The following FGFR2 variants were observed in gnomAD, a reference collection of about 807,000 sequenced individuals.
FGFR2 encodes BEK fibroblast growth factor receptor.
Under a neutral mutation model 95.9 loss-of-function variants are expected in FGFR2, and 19 were observed. The ratio of observed to expected loss-of-function variants is 0.20; its 90% CI spans 0.14 to 0.29. The LOEUF is 0.29. Among genes scored for constraint, FGFR2 ranks in the 10% least tolerant of loss-of-function variants. The probability of loss-of-function intolerance (pLI) is 1.00; values close to 1 mark genes in which losing one functional copy is unlikely to be tolerated. For missense variants in FGFR2, 707 were observed against 1,056.9 expected (o/e 0.67, Z 4.59); for synonymous variants, 392 against 393.3 (o/e 1.00, Z 0.04).
At chr10:121,503,258 C>A (rs1038697744) in intron 10 of FGFR2, among the ~76,000 whole-genome samples, 34 of 152,356 alleles carry the variant, frequency 2.2e-4, no homozygotes, top group Admixed American at 3.3e-4. Context: ...ACCTCTGTAT[C>A]ATCCAACAAG....
chr10:121,573,166 T>C (rs1300898305), intron 2 of FGFR2, among the ~76,000 whole-genome samples: 5 of 152,156 alleles, frequency 3.3e-5, no homozygotes, highest in African/African-American at 1.2e-4. Flanking sequence ...TCCCGTGTGG[T>C]TTTTGAAATG....
At chr10:121,583,131 CT>C (rs768418831) in intron 2 of FGFR2, among the ~76,000 whole-genome samples, 2 of 151,880 alleles carry the variant, frequency 1.3e-5, no homozygotes, top group Non-Finnish European at 2.9e-5. Flanking sequence ...TTTTGGCTTT[CT>C]TAGTCTCTCC....
At chr10:121,510,919 A>C (rs538631911) in intron 9 of FGFR2, among the ~76,000 whole-genome samples, 1 of 152,066 alleles carries the variant, frequency 6.6e-6, no homozygotes, top group South Asian at 2.1e-4. Context: ...CTCCTGCCTT[A>C]GTTTCCCAAG....
At position 121,515,253 on chromosome 10, in the gene FGFR2, C is replaced by G. The variant is rs1291834042; in HGVS notation, c.1151G>C (p.Gly384Ala). 19 of 1,613,926 alleles carry G rather than the reference C, an allele frequency of 1.2e-5. No individual in the cohort carries two copies. The highest frequency in any genetic ancestry group is 4.2e-6 in the Non-Finnish European group (5 of 1,180,022). ...CACCATACAGGCGATTAAGAAGACC[C>G]CTATGCAGTAAATGGCTATCTCCAG... is the stretch of plus-strand genomic sequence containing the variant. Reference protein sequence around the residue: ...DYLEIAIYCIGVFLIACMVVT... With the variant: ...DYLEIAIYCIAVFLIACMVVT... Residue 384 changes from glycine (G) to alanine (A), a missense_variant, in exon 9 of 18, where the codon GGG becomes GCG. By Grantham distance (60) the Gly-to-Ala change is moderately conservative. Transcript: ENST00000358487.
intron 4 of FGFR2, among the ~76,000 whole-genome samples, chr10:121,560,525 G>A (rs1425232413): frequency 7.0e-6 from 1 of 142,734 alleles, no homozygotes; most frequent in Non-Finnish European, 1.5e-5. Flanking sequence ...TGAGGCAGGA[G>A]AATGGCGTGA....
chr10:121,538,163 G>A, intron 6 of FGFR2: 1 of 594,068 alleles, frequency 1.7e-6, no homozygotes, highest in African/African-American at 1.9e-5. Flanking sequence ...CCAGCCACAG[G>A]CTCAGTCCTC....
Position 121,485,647 on chromosome 10 carries a change from C to T in FGFR2, c.2058-115G>A. The T allele has an allele frequency of 7.2e-7, 1 of 1,389,792 alleles. No individual in the cohort carries two copies. Among genetic ancestry groups the T allele is most frequent in the Admixed American group, 1.8e-5 (1 of 54,502 alleles). 86.1% of individuals were successfully genotyped at this position (1,389,792 alleles called of 1,614,324 possible). ...CTTCTGAAGTTCAAAGACAAATGGG[C>T]CCTCCTGCAGTTCCTCCTATGTGCT... On this transcript the variant is annotated intron_variant, in intron 15 of 17. Transcript: ENST00000358487. The surrounding 1 kb of genome is among the most constrained non-coding windows in gnomAD (Gnocchi z 4.2).
chr10:121,582,880 C>T (rs1322499705), intron 2 of FGFR2, among the ~76,000 whole-genome samples: 2 of 152,252 alleles, frequency 1.3e-5, no homozygotes, highest in African/African-American at 2.4e-5. Flanking sequence ...TGTTCTGCAA[C>T]TGCTGTACAG....
chr10:121,572,158 GAAAAAAA>G (rs71022844), intron 2 of FGFR2, among the ~76,000 whole-genome samples: 3 of 105,848 alleles, frequency 2.8e-5, no homozygotes, highest in African/African-American at 1.1e-4. Context: ...CACAAAAAAT[GAAAAAAA>G]AAAAAAAAAA....
At chr10:121,586,494 A>G (rs1347488019) in intron 2 of FGFR2, among the ~76,000 whole-genome samples, 1 of 152,248 alleles carries the variant, frequency 6.6e-6, no homozygotes, top group Non-Finnish European at 1.5e-5. Flanking sequence ...TACTGTCAAA[A>G]AGAATCAGAA....
At chr10:121,528,367 G>A (rs144203135) in intron 6 of FGFR2, among the ~76,000 whole-genome samples, 5 of 152,124 alleles carry the variant, frequency 3.3e-5, no homozygotes, top group African/African-American at 1.2e-4. Context: ...ATGATTAAAC[G>A]AATTGTACTA....
At chr10:121,536,583 A>G (rs187306167) in intron 6 of FGFR2, among the ~76,000 whole-genome samples, 1 of 152,338 alleles carries the variant, frequency 6.6e-6, no homozygotes, top group Admixed American at 6.5e-5. Context: ...TCCATTATTC[A>G]GCAGCCCAAT....
At chr10:121,544,443 T>TAAA (rs753310814) in intron 5 of FGFR2, among the ~76,000 whole-genome samples, 3,230 of 106,146 alleles carry the variant, frequency 0.03, 54 homozygotes, top group Middle Eastern at 0.06. Flanking sequence ...AACTCCGTCT[T>TAAA]AAAAAAAAAA....
chr10:121,526,025 C>T (rs895071082), intron 6 of FGFR2: 6 of 395,030 alleles, frequency 1.5e-5, no homozygotes, highest in Non-Finnish European at 2.2e-5. Flanking sequence ...CACCAAGAGA[C>T]TCGAATCACA....
intron 2 of FGFR2, among the ~76,000 whole-genome samples, chr10:121,585,003 TC>T (rs1387813658): frequency 2.7e-5 from 4 of 150,018 alleles, no homozygotes; most frequent in Non-Finnish European, 4.4e-5. Flanking sequence ...ATAACCCCTC[TC>T]CAATGTTCTT....
rs41301043 is a variant in FGFR2, at chr10:121,598,269, G to T, written c.-458C>A. 2,937 of 388,696 alleles carry T rather than the reference G, an allele frequency of 7.6e-3. 72 individuals are homozygous for T. Among genetic ancestry groups the T allele is most frequent in the African/African-American group, 0.053 (2,559 of 48,274 alleles). The allele number at this position is 388,696 out of a possible 1,614,324, so 24.1% of individuals were successfully genotyped here. A position where few individuals can be genotyped will look rare whatever the true frequency, so the allele number is the denominator to read the frequency against. On this transcript the variant is annotated 5_prime_UTR_variant, in exon 1 of 18. Transcript: ENST00000358487. Reference sequence around the variant, plus strand: ...GGCTCAGAGCGCGCAGGCAAGCTGCGGCCTCGGGGCCCCCGGGGCTCGCGG... The same window carrying T: ...GGCTCAGAGCGCGCAGGCAAGCTGCTGCCTCGGGGCCCCCGGGGCTCGCGG...
chr10:121,534,651 C>T (rs571564556), intron 6 of FGFR2, among the ~76,000 whole-genome samples: 130 of 152,262 alleles, frequency 8.5e-4, no homozygotes, highest in African/African-American at 2.9e-3. Flanking sequence ...CCGCCTCGGC[C>T]TCCCCAAGTG....
At chr10:121,538,865 C>T (rs957117794) in intron 5 of FGFR2, 150 bp from the exon 6 acceptor site, 13 of 1,004,382 alleles carry the variant, frequency 1.3e-5, no homozygotes, top group Admixed American at 9.1e-5. Flanking sequence ...CATTAAGAAT[C>T]GTGAGAAATG....
chr10:121,567,844 T>G (rs551971380), intron 2 of FGFR2, among the ~76,000 whole-genome samples: 1 of 152,378 alleles, frequency 6.6e-6, no homozygotes, highest in East Asian at 1.9e-4. Flanking sequence ...AGAAACCCTG[T>G]GGCCTGCAAG....
Sources: allele counts gnomAD v4.1 joint callset (sites outside exome capture counted in the v4.1 genomes callset), GRCh38; gene constraint gnomAD v4.1.1; non-coding constraint Gnocchi (gnomAD v3.1); transcripts MANE v1.5; gene names NCBI Gene and HGNC (gene_info 2026-07-23, HGNC 2026-07-21).